The following CAMTA1 variants were observed in gnomAD, a reference collection of about 807,000 sequenced individuals.
CAMTA1 encodes the protein calmodulin-binding transcription activator 1.
A neutral mutation model predicts 170.9 loss-of-function variants in CAMTA1; 27 were observed. The ratio of observed to expected loss-of-function variants is 0.16; its 90% CI spans 0.12 to 0.22. The LOEUF is 0.22. Among genes scored for constraint, CAMTA1 ranks in the 10% least tolerant of loss-of-function variants. The probability of loss-of-function intolerance (pLI) is 1.00; values close to 1 mark genes in which losing one functional copy is unlikely to be tolerated. For missense variants in CAMTA1, 1,619 were observed against 2,217.2 expected (o/e 0.73, Z 5.42); for synonymous variants, 833 against 891.5 (o/e 0.93, Z 1.17).
rs575537337 is a variant in CAMTA1, at chr1:7,228,268, G to A, written c.303-21223G>A. Among the ~76,000 whole-genome samples the A allele has an allele frequency of 5.3e-5, 8 of 152,242 alleles. No homozygotes were observed. The South Asian group carries it at 8.3e-4, about 16-fold the overall frequency. ...TCCAGAGATGCAGTCCTGTGATCACGCAGCCCGTCAAAACAAGGGTGGTGT... is the reference window on the plus strand; with the variant it reads ...TCCAGAGATGCAGTCCTGTGATCACACAGCCCGTCAAAACAAGGGTGGTGT... On this transcript the variant is annotated intron_variant, in intron 4 of 22. Transcript: ENST00000303635.
chr1:7,298,285 C>T (rs1674264461), intron 5 of CAMTA1, among the ~76,000 whole-genome samples: 1 of 151,814 alleles, frequency 6.6e-6, no homozygotes, highest in Admixed American at 6.6e-5. Flanking sequence ...GTAGGGGCTG[C>T]ATTGTCATTT....
intron 6 of CAMTA1, among the ~76,000 whole-genome samples, chr1:7,573,739 G>A (rs983903622): frequency 3.9e-5 from 6 of 152,086 alleles, no homozygotes; most frequent in Non-Finnish European, 7.4e-5. Context: ...CCACTCTACC[G>A]CAGCATGACA....
intron 5 of CAMTA1, among the ~76,000 whole-genome samples, chr1:7,369,282 A>G (rs1306242302): frequency 6.6e-6 from 1 of 152,150 alleles, no homozygotes; most frequent in African/African-American, 2.4e-5. Context: ...TAACCTACCT[A>G]AGTTTATCTG....
At chr1:6,873,343 A>T (rs1426060117) in intron 3 of CAMTA1, among the ~76,000 whole-genome samples, 1 of 151,084 alleles carries the variant, frequency 6.6e-6, no homozygotes, top group East Asian at 1.9e-4. Flanking sequence ...TATGTCCTTT[A>T]TTTGTTCCTT....
rs1283162267 is a variant in CAMTA1 at position 7,456,261 on chromosome 1, G to T, written c.439-11569G>T. 6.7e-6 allele frequency among the ~76,000 whole-genome samples: 1 copy of T among 148,810 alleles called. No individual in the cohort carries two copies. The highest frequency in any genetic ancestry group is 1.5e-5 in the Non-Finnish European group (1 of 67,098). ...AGGAGGGAGGGAGGAAGGGAGGAAGGGGGGCAGGGAGGCAAGAAGAATGGG... is the reference window on the plus strand; with the variant it reads ...AGGAGGGAGGGAGGAAGGGAGGAAGTGGGGCAGGGAGGCAAGAAGAATGGG... On this transcript the variant is annotated intron_variant, in intron 5 of 22. Coordinates refer to ENST00000303635, the MANE Select transcript of CAMTA1 (RefSeq NM_015215.4). This position sits in a 1 kb window ranked among gnomAD's most constrained non-coding sequence, Gnocchi z 4.9.
intron 3 of CAMTA1, among the ~76,000 whole-genome samples, chr1:7,079,213 A>G (rs1217478895): frequency 2.0e-5 from 3 of 152,238 alleles, no homozygotes; most frequent in African/African-American, 7.2e-5. Flanking sequence ...AACGTGCTGT[A>G]GACCCACCTT....
At chr1:7,328,714 A>G (rs1338882190) in intron 5 of CAMTA1, among the ~76,000 whole-genome samples, 3 of 151,032 alleles carry the variant, frequency 2.0e-5, no homozygotes, top group Non-Finnish European at 4.4e-5. Flanking sequence ...CTCTTTGACT[A>G]TCTAGTATTT....
intron 4 of CAMTA1, among the ~76,000 whole-genome samples, chr1:7,177,098 A>G (rs1651002664): frequency 6.6e-6 from 1 of 150,834 alleles, no homozygotes; most frequent in Non-Finnish European, 1.5e-5. Flanking sequence ...GGCCCCTCCC[A>G]CACACTGAGG....
At chr1:7,568,337 C>G (rs752290112) in intron 6 of CAMTA1, among the ~76,000 whole-genome samples, 1 of 147,768 alleles carries the variant, frequency 6.8e-6, no homozygotes, top group Non-Finnish European at 1.5e-5. Flanking sequence ...TCACCAGCAT[C>G]ATCACCACAT....
intron 5 of CAMTA1, among the ~76,000 whole-genome samples, chr1:7,385,914 A>C (rs2149095412): frequency 6.6e-6 from 1 of 152,296 alleles, no homozygotes; most frequent in East Asian, 1.9e-4. Flanking sequence ...TTCCACATGC[A>C]GGAGCCTCAC....
chr1:6,986,858 C>T (rs562272050), intron 3 of CAMTA1, among the ~76,000 whole-genome samples: 6 of 152,032 alleles, frequency 3.9e-5, no homozygotes, highest in Non-Finnish European at 8.8e-5. Context: ...ATGACGCACT[C>T]CTGCTGGTTT....
intron 5 of CAMTA1, among the ~76,000 whole-genome samples, chr1:7,289,668 G>T (rs892906517): frequency 1.3e-5 from 2 of 152,226 alleles, no homozygotes; most frequent in African/African-American, 2.4e-5. Flanking sequence ...CTAGATTTGA[G>T]TGGGCCCTTA....
chr1:7,378,873 C>T (rs1237718776), intron 5 of CAMTA1, among the ~76,000 whole-genome samples: 1 of 152,074 alleles, frequency 6.6e-6, no homozygotes, highest in Non-Finnish European at 1.5e-5. Flanking sequence ...GACCCAGGGG[C>T]CAGGGCTTCC....
intron 3 of CAMTA1, among the ~76,000 whole-genome samples, chr1:6,977,204 A>G (rs1448634637): frequency 6.6e-6 from 1 of 152,182 alleles, no homozygotes; most frequent in Non-Finnish European, 1.5e-5. Context: ...ATCGGAGAAT[A>G]AGCTGGGCAG....
intron 11 of CAMTA1, among the ~76,000 whole-genome samples, chr1:7,727,324 G>A (rs11121005): frequency 0.11 from 16,795 of 152,052 alleles, 1,148 homozygotes; most frequent in South Asian, 0.17. Context: ...GGGTTTCACC[G>A]TGTTAGCCAG....
chr1:7,176,517 C>G lies in CAMTA1; in HGVS notation c.303-72974C>G, dbSNP rs562648674. 4.4e-4 allele frequency among the ~76,000 whole-genome samples: 67 copies of G among 152,276 alleles called. No homozygotes were observed. In the South Asian group the frequency reaches 0.014, roughly 31 times the overall value. On this transcript the variant is annotated intron_variant, in intron 4 of 22. Coordinates refer to ENST00000303635, the MANE Select transcript of CAMTA1 (RefSeq NM_015215.4). ...CTTAGGCCTCGGAGTCAGGGGCCTACACATGCTAAACTCCAGCTGCTCTTT... is the reference window on the plus strand; with the variant it reads ...CTTAGGCCTCGGAGTCAGGGGCCTAGACATGCTAAACTCCAGCTGCTCTTT...
In CAMTA1 at chr1:7,664,130, T is replaced by C. The variant is rs966875625; in HGVS notation, c.1583T>C (p.Leu528Pro). ...GERSFSFTTV[L>P]TKEIKTEDTS... The stretch of plus-strand genomic sequence containing the variant: ...CGGAGCTTCAGCTTTACCACCGTCC[T>C]CACCAAGGAGATCAAGACCGAGGAC... The change falls in exon 9 of 23, where the codon CTC (leucine) becomes CCC (proline). Residue 528 changes from leucine (L) to proline (P), a missense_variant. Transcript: ENST00000303635. 1 of 1,613,260 alleles carries C rather than the reference T, an allele frequency of 6.2e-7. No individual in the cohort carries two copies.
chr1:7,505,087 CCTT>C (rs2149827434), intron 6 of CAMTA1, among the ~76,000 whole-genome samples: 1 of 152,344 alleles, frequency 6.6e-6, no homozygotes, highest in African/African-American at 2.4e-5. Context: ...CGCACAGCCT[CCTT>C]CACGGGCGGA....
chr1:7,727,573 G>A (rs2096699796), intron 11 of CAMTA1, among the ~76,000 whole-genome samples: 1 of 152,196 alleles, frequency 6.6e-6, no homozygotes, highest in East Asian at 1.9e-4. Context: ...GAATATTTGT[G>A]CATGAATAAG....
Sources: allele counts gnomAD v4.1 joint callset (sites outside exome capture counted in the v4.1 genomes callset), GRCh38; gene constraint gnomAD v4.1.1; non-coding constraint Gnocchi (gnomAD v3.1); transcripts MANE v1.5; gene names NCBI Gene and HGNC (gene_info 2026-07-23, HGNC 2026-07-21).